The following FANCL variants were observed in gnomAD, a reference collection of about 807,000 sequenced individuals.
FANCL encodes the protein E3 ubiquitin-protein ligase FANCL.
In FANCL, 69 loss-of-function variants were observed where a neutral mutation model predicts 59.4. The observed-to-expected ratio is 1.16, with a 90% CI of 0.96 to 1.42. The LOEUF is 1.42. Ranked by LOEUF, FANCL falls within the 40% of genes most tolerant of loss-of-function variation. The pLI, the probability that FANCL is intolerant of heterozygous loss-of-function variation, is 0.00. For missense variants in FANCL, 519 were observed against 447.2 expected (o/e 1.16, Z -1.45); for synonymous variants, 180 against 147.1 (o/e 1.22, Z -1.62).
intron 12 of FANCL, among the ~76,000 whole-genome samples, chr2:58,160,468 A>G (rs1396299710): frequency 2.0e-5 from 3 of 152,020 alleles, no homozygotes; most frequent in Non-Finnish European, 4.4e-5. Context: ...CTTTATCCCC[A>G]GAATAGACAT....
chr2:58,162,987 A>G, intron 10 of FANCL, 40 bp from the exon 11 acceptor site: 1 of 1,612,246 alleles, frequency 6.2e-7, no homozygotes, highest in Non-Finnish European at 8.5e-7. Context: ...TGAACTTTGT[A>G]AAATCACCAA....
intron 1 of FANCL, among the ~76,000 whole-genome samples, chr2:58,238,195 G>A (rs997558480): frequency 6.6e-6 from 1 of 152,138 alleles, no homozygotes; most frequent in African/African-American, 2.4e-5. Flanking sequence ...GCTATCATTA[G>A]TGTATTTTAT....
chr2:58,235,945 T>C (rs937817744), intron 1 of FANCL, among the ~76,000 whole-genome samples: 1 of 148,878 alleles, frequency 6.7e-6, no homozygotes, highest in African/African-American at 2.5e-5. Flanking sequence ...GAGAAAGACA[T>C]TGAGGGAAAA....
chr2:58,224,766 A>G (rs1019319278), intron 4 of FANCL, among the ~76,000 whole-genome samples: 3 of 152,098 alleles, frequency 2.0e-5, no homozygotes, highest in Admixed American at 1.3e-4. Flanking sequence ...CCATACTACA[A>G]TGATGTTAAC....
At chr2:58,222,368 T>G (rs1692567294) in intron 4 of FANCL, among the ~76,000 whole-genome samples, 1 of 152,108 alleles carries the variant, frequency 6.6e-6, no homozygotes, top group South Asian at 2.1e-4. Context: ...ATGGCTCTAT[T>G]CCCATGAATA....
chr2:58,170,423 T>G (rs1686458545), intron 7 of FANCL, among the ~76,000 whole-genome samples: 1 of 152,076 alleles, frequency 6.6e-6, no homozygotes, highest in African/African-American at 2.4e-5. Flanking sequence ...TACCAGCCAC[T>G]GCAAAAACAT....
chr2:58,171,027 TAATAG>T (rs1686549566), intron 7 of FANCL, among the ~76,000 whole-genome samples: 1 of 151,240 alleles, frequency 6.6e-6, no homozygotes. Context: ...CAAGCAGACC[TAATAG>T]ACATCTACAC....
chr2:58,200,270 G>T (rs965085500), intron 6 of FANCL, among the ~76,000 whole-genome samples: 19 of 152,004 alleles, frequency 1.2e-4, no homozygotes, highest in African/African-American at 4.6e-4. Flanking sequence ...AGTAAATGTA[G>T]ACAGAGACCT....
At chr2:58,189,494 T>C (rs1007749971) in intron 7 of FANCL, among the ~76,000 whole-genome samples, 23 of 152,142 alleles carry the variant, frequency 1.5e-4, no homozygotes, top group African/African-American at 4.3e-4. Flanking sequence ...TATATGTATA[T>C]ATAGATACAT....
At chr2:58,174,532 A>G (rs1687064699) in intron 7 of FANCL, among the ~76,000 whole-genome samples, 1 of 152,226 alleles carries the variant, frequency 6.6e-6, no homozygotes, top group South Asian at 2.1e-4. Flanking sequence ...CTGCTCCAGA[A>G]TGACTACTGG....
intron 1 of FANCL, among the ~76,000 whole-genome samples, chr2:58,233,393 TTTAG>T (rs530245377): frequency 1.4e-3 from 214 of 152,208 alleles, no homozygotes; most frequent in African/African-American, 4.9e-3. Context: ...AAATTAGCTT[TTTAG>T]TTAAAGTATC....
intron 7 of FANCL, among the ~76,000 whole-genome samples, chr2:58,183,191 A>G (rs187037653): frequency 6.6e-6 from 1 of 151,948 alleles, no homozygotes; most frequent in East Asian, 1.9e-4. Context: ...TTTAAAATAA[A>G]AATGAACAGA....
intron 4 of FANCL, among the ~76,000 whole-genome samples, 179 bp downstream of exon 4, chr2:58,226,549 T>C (rs1228756709): frequency 6.6e-6 from 1 of 152,160 alleles, no homozygotes; most frequent in Admixed American, 6.5e-5. Context: ...CGAACAGTTA[T>C]GTCCCTCATG....
intron 7 of FANCL, among the ~76,000 whole-genome samples, chr2:58,173,391 G>A (rs1376855772): frequency 1.3e-5 from 2 of 152,120 alleles, no homozygotes; most frequent in Non-Finnish European, 2.9e-5. Flanking sequence ...AGAGAGAAAG[G>A]TCGGGTTACC....
chr2:58,167,294 G>C (rs1021992421), intron 7 of FANCL, among the ~76,000 whole-genome samples: 1 of 152,214 alleles, frequency 6.6e-6, no homozygotes, highest in Non-Finnish European at 1.5e-5. Flanking sequence ...TATAATGTCT[G>C]TTCTCTTCTG....
intron 1 of FANCL, among the ~76,000 whole-genome samples, chr2:58,240,641 G>A (rs1376464636): frequency 6.6e-6 from 1 of 152,174 alleles, no homozygotes; most frequent in Non-Finnish European, 1.5e-5. Context: ...GTTAGTATGT[G>A]TAATAAACTC....
intron 5 of FANCL, among the ~76,000 whole-genome samples, chr2:58,210,646 C>T (rs1463839156): frequency 1.3e-5 from 2 of 152,078 alleles, no homozygotes; most frequent in Non-Finnish European, 2.9e-5. Context: ...TCTCTTCCAC[C>T]GATGAGCCTA....
intron 4 of FANCL, among the ~76,000 whole-genome samples, chr2:58,223,140 GAA>G (rs796713283): frequency 2.2e-5 from 3 of 134,264 alleles, no homozygotes; most frequent in Admixed American, 7.5e-5. Context: ...GCTTTATGAT[GAA>G]AAAAAAAAAA....
At chr2:58,168,559 T>C (rs919604758) in intron 7 of FANCL, among the ~76,000 whole-genome samples, 9 of 152,052 alleles carry the variant, frequency 5.9e-5, no homozygotes, top group African/African-American at 2.2e-4. Flanking sequence ...GGAGTTTTTT[T>C]TTTAATACCC....
Sources: gnomAD v4.1 joint callset for allele counts (sites outside exome capture counted in the v4.1 genomes callset) on GRCh38, gnomAD v4.1.1 for gene constraint, MANE v1.5 for transcripts, NCBI Gene and HGNC (gene_info 2026-07-23, HGNC 2026-07-21) for gene names.